The following ZNF814 variants were observed in gnomAD, a reference collection of about 807,000 sequenced individuals.
ZNF814 encodes zinc finger protein 814.
Under a neutral mutation model 7.5 loss-of-function variants are expected in ZNF814, and 5 were observed. The ratio of observed to expected loss-of-function variants is 0.67; its 90% confidence interval spans 0.35 to 1.40. The LOEUF is 1.40. Among genes scored for constraint, ZNF814 ranks in the 40% most tolerant of loss-of-function variants. ZNF814 has a pLI of 0.04. For missense variants in ZNF814, 962 were observed against 1,018.0 expected (o/e 0.94, Z 0.75); for synonymous variants, 315 against 340.7 (o/e 0.92, Z 0.83).
At chr19:57,883,110 G>A (rs559645596) in intron 1 of ZNF814, among the ~76,000 whole-genome samples, 32 of 150,862 alleles carry the variant, frequency 2.1e-4, no homozygotes, top group South Asian at 4.2e-4. Flanking sequence ...TGTAATCCCA[G>A]CACTTTGGGA....
Position 57,873,864 on chromosome 19 carries a change from A to G in ZNF814, c.1526T>C (p.Leu509Pro), listed in dbSNP as rs879060582. The G allele has an allele frequency of 6.2e-7, 1 of 1,611,554 alleles. No homozygotes were observed. The highest frequency in any genetic ancestry group is 8.5e-7 in the Non-Finnish European group (1 of 1,179,294). Residue 509 changes from leucine (L) to proline (P), a missense_variant, in exon 3 of 3, where the codon CTA (leucine) becomes CCA (proline). This residue lies in a region of ZNF814 where 665 missense variants were observed against 551.4 expected (regional missense o/e 1.21). Transcript: ENST00000435989. Reference sequence around the variant, plus strand: ...TGCTCCAGTGTGAACTCGCTGGTGTAGAACGAGGTTGCCCTTTTGACTGAA... The same window carrying G: ...TGCTCCAGTGTGAACTCGCTGGTGTGGAACGAGGTTGCCCTTTTGACTGAA... ...KSFSQKGNLV[L>P]HQRVHTGARP...
chr19:57,896,523 A>G, the ZNF814 span, among the ~76,000 whole-genome samples: 2 of 152,194 alleles, frequency 1.3e-5, no homozygotes, highest in African/African-American at 4.8e-5. The surrounding 1 kb of genome is among the most constrained non-coding windows in gnomAD (Gnocchi z 4.2). Flanking sequence ...CTGCTCCTGT[A>G]GTTGCAACAT....
intron 2 of ZNF814, 103 bp downstream of exon 2, chr19:57,876,813 G>C: frequency 6.4e-7 from 1 of 1,553,570 alleles, no homozygotes; most frequent in Non-Finnish European, 8.7e-7. Flanking sequence ...ACTGAAGCAG[G>C]AAGCTGTGTC....
the ZNF814 span, among the ~76,000 whole-genome samples, chr19:57,898,132 G>C: frequency 6.6e-6 from 1 of 152,186 alleles, no homozygotes; most frequent in Non-Finnish European, 1.5e-5. Context: ...CCAAACAAAA[G>C]GCATCCATTG....
At chr19:57,875,651 A>G (rs1334195007) in intron 2 of ZNF814, among the ~76,000 whole-genome samples, 2 of 152,236 alleles carry the variant, frequency 1.3e-5, no homozygotes, top group East Asian at 1.9e-4. Flanking sequence ...AACACTGGAG[A>G]GAACACTGTA....
upstream of ZNF814, among the ~76,000 whole-genome samples, chr19:57,890,493 C>T (rs1224326064): frequency 6.6e-6 from 1 of 151,876 alleles, no homozygotes; most frequent in African/African-American, 2.4e-5. Context: ...GATAGGGGGC[C>T]ATGAATTGGG....
At chr19:57,901,041 G>T in the ZNF814 span, among the ~76,000 whole-genome samples, 3 of 147,980 alleles carry the variant, frequency 2.0e-5, no homozygotes, top group Admixed American at 2.0e-4. Context: ...GTAGAGACGG[G>T]GTTTCACCGT....
chr19:57,887,086 G>C (rs373767532), intron 1 of ZNF814, among the ~76,000 whole-genome samples: 1 of 152,064 alleles, frequency 6.6e-6, no homozygotes, highest in African/African-American at 2.4e-5. Flanking sequence ...CTACTGGGAG[G>C]CTGAGGCAGG....
At chr19:57,904,727 G>A in the ZNF814 span, among the ~76,000 whole-genome samples, 1 of 152,140 alleles carries the variant, frequency 6.6e-6, no homozygotes, top group Non-Finnish European at 1.5e-5. Flanking sequence ...TTAAATTGAA[G>A]GTGCTGTTTG....
intron 1 of ZNF814, among the ~76,000 whole-genome samples, chr19:57,878,009 A>G (rs147893996): frequency 0.011 from 1,672 of 151,924 alleles, 32 homozygotes; most frequent in African/African-American, 0.038. Context: ...TACTAAAAAT[A>G]CAAAAAATTA....
At chr19:57,885,578 C>G (rs545567266) in intron 1 of ZNF814, among the ~76,000 whole-genome samples, 29 of 148,662 alleles carry the variant, frequency 2.0e-4, no homozygotes, top group South Asian at 6.4e-4. Flanking sequence ...TGCAGTGAGC[C>G]GAGATTGCAC....
At position 57,874,628 on chromosome 19, in the gene ZNF814, A is replaced by T. The variant is rs1568518154; in HGVS notation, c.762T>A (p.Tyr254Ter). The change falls in exon 3 of 3, where the codon TAT becomes TAA. Residue 254 changes from tyrosine to a stop codon, truncating the protein, a stop_gained. Coordinates refer to ENST00000435989, the MANE Select transcript of ZNF814 (RefSeq NM_001144989.2). LOFTEE classifies it low-confidence loss of function (END_TRUNC). ...CCECGKSFSKYASLSNHQRVH... is the reference protein window; with the variant it reads ...CCECGKSFSK ...CTCTCTGATGATTACTCAAGCTAGC[A>T]TATTTGCTAAAGGACTTCCCACATT... 6.4e-7 allele frequency: 1 copy of T among 1,554,296 alleles called. No homozygotes were observed. The highest frequency in any genetic ancestry group is 8.7e-7 in the Non-Finnish European group (1 of 1,148,118).
chr19:57,872,566 C>T lies in ZNF814; in HGVS notation c.*256G>A. The T allele has an allele frequency of 7.5e-6, 7 of 938,148 alleles. No individual in the cohort carries two copies. The highest frequency in any genetic ancestry group is 1.1e-5 in the Non-Finnish European group (7 of 619,278). 58.1% of individuals were successfully genotyped at this position (938,148 alleles called of 1,614,324 possible). On this transcript the variant is annotated 3_prime_UTR_variant, in exon 3 of 3. Coordinates refer to ENST00000435989, the MANE Select transcript of ZNF814 (RefSeq NM_001144989.2). ...GGTAACTTTTTTCCCACATTTGCTG[C>T]AATCACAAGACCTTACTCCAGTGTG...
At chr19:57,900,980 G>A in the ZNF814 span, among the ~76,000 whole-genome samples, 9 of 151,196 alleles carry the variant, frequency 6.0e-5, no homozygotes, top group Non-Finnish European at 1.0e-4. Flanking sequence ...CCGAGTAGCT[G>A]GGACTACAGG....
At position 57,872,545 on chromosome 19, in the gene ZNF814, A is replaced by C. The variant is rs2071564569; in HGVS notation, c.*277T>G. 3.8e-6 allele frequency: 3 copies of C among 781,450 alleles called. No individual in the cohort carries two copies. The highest frequency in any genetic ancestry group is 2.6e-5 in the Admixed American group (1 of 38,106). 48.4% of individuals were successfully genotyped at this position (781,450 alleles called of 1,614,324 possible). The stretch of plus-strand genomic sequence containing the variant: ...TTCAAGGAGAAAAGACCTTCAGGTA[A>C]CTTTTTTCCCACATTTGCTGCAATC... On this transcript the variant is annotated 3_prime_UTR_variant, in exon 3 of 3. Transcript: ENST00000435989.
At chr19:57,888,624 T>C (rs2071713067) in intron 1 of ZNF814, 143 bp downstream of exon 1, 2 of 988,064 alleles carry the variant, frequency 2.0e-6, no homozygotes, top group African/African-American at 1.6e-5. Context: ...ATCCCACGGG[T>C]GTCAGAAATG....
At chr19:57,887,304 G>A (rs937251484) in intron 1 of ZNF814, among the ~76,000 whole-genome samples, 1 of 152,174 alleles carries the variant, frequency 6.6e-6, no homozygotes, top group African/African-American at 2.4e-5. Flanking sequence ...TAAAAGATTA[G>A]GCCTTCAGCA....
intron 1 of ZNF814, among the ~76,000 whole-genome samples, chr19:57,878,604 AT>A (rs2071628173): frequency 1.3e-5 from 2 of 151,842 alleles, no homozygotes; most frequent in Non-Finnish European, 2.9e-5. Flanking sequence ...GATTACAGGC[AT>A]GTACCACCAT....
Position 57,874,733 on chromosome 19 carries a change from G to A in ZNF814, c.657C>T (p.Ser219=), listed in dbSNP as rs546622032. Residue 219 remains serine (S), a synonymous_variant, in exon 3 of 3, where the codon TCC becomes TCT. Coordinates refer to ENST00000435989, the MANE Select transcript of ZNF814 (RefSeq NM_001144989.2). ...CGGAHYSCGE[S]MKHFSTKHIL... ...TATGTTTGGTGCTAAAATGTTTCAT[G>A]GATTCTCCACAGCTGTAGTGAGCTC... 2.5e-6 allele frequency: 4 copies of A among 1,607,026 alleles called. No homozygotes were observed. The highest frequency in any genetic ancestry group is 1.1e-5 in the South Asian group (1 of 90,380).
Sources: gnomAD v4.1 joint callset for allele counts (sites outside exome capture counted in the v4.1 genomes callset) on GRCh38, gnomAD v4.1.1 for gene constraint, gnomAD v4.1.1 regional missense constraint, Gnocchi (gnomAD v3.1) non-coding constraint, MANE v1.5 for transcripts, NCBI Gene and HGNC (gene_info 2026-07-23, HGNC 2026-07-21) for gene names.